Variants in TXNDC9 observed in about 807,000 individuals in gnomAD.
The protein encoded by TXNDC9 is thioredoxin domain-containing protein 9.
A neutral mutation model predicts 23.0 loss-of-function variants in TXNDC9; 7 were observed. The observed-to-expected ratio is 0.30, with a 90% CI of 0.17 to 0.57. The LOEUF is 0.57. Among genes scored for constraint, TXNDC9 ranks in the 20% least tolerant of loss-of-function variants. The pLI is 0.90. For synonymous variants in TXNDC9, 72 were observed against 90.6 expected (o/e 0.79, Z 1.17); for missense variants, 198 against 252.6 (o/e 0.78, Z 1.47).
At chr2:99,332,496 CAG>C (rs1168254352) in intron 2 of TXNDC9, among the ~76,000 whole-genome samples, 2 of 152,186 alleles carry the variant, frequency 1.3e-5, no homozygotes, top group Non-Finnish European at 2.9e-5. Flanking sequence ...TGGTTTCAGT[CAG>C]AGTTTACAAC....
Position 99,319,113 on chromosome 2 carries a change from G to A in TXNDC9, c.*569C>T, listed in dbSNP as rs765809759. On this transcript the variant is annotated 3_prime_UTR_variant, in exon 5 of 5. Coordinates refer to ENST00000264255, the MANE Select transcript of TXNDC9 (RefSeq NM_005783.4). Reference sequence around the variant, plus strand: ...GTTTCCTGGTTTCTTTTTAATGAATGTCTTAAAATACAAGCAATCAGGACC... The same window carrying A: ...GTTTCCTGGTTTCTTTTTAATGAATATCTTAAAATACAAGCAATCAGGACC... The A allele has an allele frequency of 1.3e-5, 2 of 152,178 alleles. No individual in the cohort carries two copies. Among genetic ancestry groups the A allele is most frequent in the African/African-American group, 2.4e-5 (1 of 41,438 alleles). 9.4% of individuals were successfully genotyped at this position (152,178 alleles called of 1,614,324 possible). A position where few individuals can be genotyped will look rare whatever the true frequency, so the allele number is the denominator to read the frequency against.
chr2:99,314,384 C>CT (rs1001492254), downstream of TXNDC9, among the ~76,000 whole-genome samples: 1 of 151,840 alleles, frequency 6.6e-6, no homozygotes, highest in Admixed American at 6.6e-5. Context: ...TAGGTGTAGA[C>CT]TTTTTTTGTT....
chr2:99,319,582 A>G lies in TXNDC9; in HGVS notation c.*100T>C. On this transcript the variant is annotated 3_prime_UTR_variant, in exon 5 of 5. Transcript: ENST00000264255. ...CAACTGTATAAAACTCGAGAATATGAGTATTTAGGTGACCAATGTATAGAC... is the reference window on the plus strand; with the variant it reads ...CAACTGTATAAAACTCGAGAATATGGGTATTTAGGTGACCAATGTATAGAC... The G allele has an allele frequency of 2.4e-6, 2 of 827,458 alleles. No homozygotes were observed. The highest frequency in any genetic ancestry group is 3.9e-6 in the Non-Finnish European group (2 of 509,556). 51.3% of individuals were successfully genotyped at this position (827,458 alleles called of 1,614,324 possible).
downstream of TXNDC9, among the ~76,000 whole-genome samples, chr2:99,314,678 ATG>A (rs2094184590): frequency 6.6e-6 from 1 of 150,582 alleles, no homozygotes; most frequent in Admixed American, 6.6e-5. Flanking sequence ...CTACAGGCGC[ATG>A]CCACCACGCC....
chr2:99,332,863 CAT>C (rs901500128), intron 2 of TXNDC9, 157 bp downstream of exon 2: 6 of 608,386 alleles, frequency 9.9e-6, no homozygotes, highest in African/African-American at 3.7e-5. Context: ...GTCTTTAAAA[CAT>C]ATTTTTTTCT....
At chr2:99,335,219 CTG>C (rs1221717427) in intron 1 of TXNDC9, among the ~76,000 whole-genome samples, 2 of 152,208 alleles carry the variant, frequency 1.3e-5, no homozygotes, top group Non-Finnish European at 1.5e-5. Flanking sequence ...TCACAACAAA[CTG>C]TGAATTCATT....
chr2:99,325,678 C>A (rs1346825870), intron 3 of TXNDC9, among the ~76,000 whole-genome samples: 1 of 152,136 alleles, frequency 6.6e-6, no homozygotes. Context: ...AAATGCGCTG[C>A]CTCTACAAAA....
At chr2:99,322,841 A>T in intron 3 of TXNDC9, 4 of 669,508 alleles carry the variant, frequency 6.0e-6, no homozygotes, top group Non-Finnish European at 8.3e-6. Flanking sequence ...GGCTCACTGC[A>T]AGCTCCGCCT....
At position 99,319,578 on chromosome 2, in the gene TXNDC9, T is replaced by C; in HGVS notation, c.*104A>G. The C allele has an allele frequency of 2.5e-6, 2 of 808,942 alleles. No homozygotes were observed. Among genetic ancestry groups the C allele is most frequent in the Non-Finnish European group, 4.1e-6 (2 of 493,106 alleles). The allele number at this position is 808,942 out of a possible 1,614,324, so 50.1% of individuals were successfully genotyped here. A position where few individuals can be genotyped will look rare whatever the true frequency, so the allele number is the denominator to read the frequency against. On this transcript the variant is annotated 3_prime_UTR_variant, in exon 5 of 5. Transcript: ENST00000264255. ...GATACAACTGTATAAAACTCGAGAA[T>C]ATGAGTATTTAGGTGACCAATGTAT...
intron 2 of TXNDC9, among the ~76,000 whole-genome samples, chr2:99,329,369 A>G (rs370659615): frequency 6.8e-4 from 103 of 152,286 alleles, no homozygotes; most frequent in African/African-American, 2.4e-3. Flanking sequence ...AACACACTCT[A>G]ATTCACCAAT....
At chr2:99,314,976 A>G (rs1222199200), downstream of TXNDC9, among the ~76,000 whole-genome samples, 1 of 147,210 alleles carries the variant, frequency 6.8e-6, no homozygotes, top group Non-Finnish European at 1.5e-5. Context: ...GCTCACTGCA[A>G]GCTCCACCTC....
intron 3 of TXNDC9, 110 bp downstream of exon 3, chr2:99,327,425 A>T: frequency 1.3e-6 from 1 of 779,158 alleles, no homozygotes; most frequent in Non-Finnish European, 2.2e-6. Context: ...GAAACAACTT[A>T]GGAAGTTTTT....
At chr2:99,313,486 T>A in the TXNDC9 span, among the ~76,000 whole-genome samples, 2 of 152,130 alleles carry the variant, frequency 1.3e-5, no homozygotes, top group Non-Finnish European at 2.9e-5. Context: ...ATCAAGACCA[T>A]CTTGTGCTGG....
chr2:99,322,724 T>C, intron 3 of TXNDC9: 4 of 1,418,996 alleles, frequency 2.8e-6, no homozygotes, highest in Non-Finnish European at 1.8e-6. Flanking sequence ...GTGGCCATTA[T>C]GCTTCTAGGA....
intron 3 of TXNDC9, among the ~76,000 whole-genome samples, chr2:99,326,465 A>G (rs2094212985): frequency 2.0e-5 from 3 of 152,224 alleles, no homozygotes; most frequent in Admixed American, 6.5e-5. Flanking sequence ...GACTGCCATC[A>G]TAGTTCCAGC....
In TXNDC9 at chr2:99,319,682, C is replaced by CT; in HGVS notation, c.680dup (p.Ter227=). The CT allele has an allele frequency of 6.4e-7, 1 of 1,563,834 alleles. No homozygotes were observed. The highest frequency in any genetic ancestry group is 8.7e-7 in the Non-Finnish European group (1 of 1,154,486). Residue 227 remains the stop codon, a frameshift_variant and stop_retained_variant, in exon 5 of 5, where the codon TAG becomes TAAG. Coordinates refer to ENST00000264255, the MANE Select transcript of TXNDC9 (RefSeq NM_005783.4). LOFTEE classifies it high-confidence loss of function. ...KKYDSDSDDD[*] ...ACAATTTACAAAGAATTATTGAGCT[C>CT]TAATCATCATCAGAGTCTGAATCAT...
intron 2 of TXNDC9, among the ~76,000 whole-genome samples, chr2:99,328,312 G>A (rs1350825466): frequency 6.6e-6 from 1 of 150,736 alleles, no homozygotes; most frequent in African/African-American, 2.4e-5. Flanking sequence ...ATATCGCCCA[G>A]GCTGGTGTCA....
intron 4 of TXNDC9, 72 bp from the exon 5 acceptor site, chr2:99,319,871 CTT>C (rs2094197457): frequency 1.1e-6 from 1 of 902,414 alleles, no homozygotes. Flanking sequence ...AAAAATCTAT[CTT>C]TGTTTTCTTC....
intron 3 of TXNDC9, 134 bp from the exon 4 acceptor site, chr2:99,322,343 G>T: frequency 1.5e-6 from 2 of 1,319,458 alleles, no homozygotes; most frequent in Non-Finnish European, 2.0e-6. Flanking sequence ...ACTTAAACTT[G>T]TGTCAGATGA....
Sources: gnomAD v4.1 joint callset for allele counts (sites outside exome capture counted in the v4.1 genomes callset) on GRCh38, gnomAD v4.1.1 for gene constraint, MANE v1.5 for transcripts, NCBI Gene and HGNC (gene_info 2026-07-23, HGNC 2026-07-21) for gene names.